Variants in ULK4 observed in about 807,000 individuals in gnomAD.
ULK4 encodes inactive serine/threonine-protein kinase ULK4.
In ULK4, 133 loss-of-function variants were observed where a neutral mutation model predicts 160.6. The observed-to-expected ratio is 0.83, with a 90% CI of 0.72 to 0.96. The LOEUF is 0.96. ULK4 is among the 40% of genes least tolerant of loss of function. ULK4 has a pLI of 0.00. For synonymous variants in ULK4, 534 were observed against 539.8 expected, an observed-to-expected ratio of 0.99 and a Z score of 0.15; for missense variants, 1,580 against 1,499.5, an observed-to-expected ratio of 1.05 and a Z score of -0.89.
At chr3:41,350,428 C>A (rs982332073) in intron 35 of ULK4, among the ~76,000 whole-genome samples, 1 of 152,076 alleles carries the variant, frequency 6.6e-6, no homozygotes, top group African/African-American at 2.4e-5. Flanking sequence ...AATTATATAT[C>A]TTTTGCTATC....
intron 27 of ULK4, among the ~76,000 whole-genome samples, chr3:41,699,476 T>C (rs1405392461): frequency 6.6e-6 from 1 of 152,222 alleles, no homozygotes; most frequent in Non-Finnish European, 1.5e-5. Flanking sequence ...CCCTTTGCTA[T>C]TAATAATATT....
chr3:41,794,686 A>AAAAAAAAAAAAAAAAAAAAAAAAAAAC (rs1553654814), intron 20 of ULK4, among the ~76,000 whole-genome samples: 3 of 112,426 alleles, frequency 2.7e-5, no homozygotes, highest in African/African-American at 1.2e-4. Context: ...AAAAAAAAAA[A>AAAAAAAAAAAAAAAAAAAAAAAAAAAC]CACAGAAAAA....
chr3:41,400,149 T>C (rs1031250452), intron 34 of ULK4, among the ~76,000 whole-genome samples: 3 of 152,192 alleles, frequency 2.0e-5, no homozygotes, highest in Non-Finnish European at 4.4e-5. Context: ...TCTTGTATAA[T>C]AACTATGGTA....
intron 30 of ULK4, among the ~76,000 whole-genome samples, chr3:41,642,785 A>T (rs1013873555): frequency 6.6e-5 from 10 of 152,202 alleles, no homozygotes; most frequent in Admixed American, 5.9e-4. Context: ...ACAATGGTTG[A>T]ACTGGTTTAC....
chr3:41,842,936 T>C (rs926327783), intron 17 of ULK4, among the ~76,000 whole-genome samples: 1 of 152,140 alleles, frequency 6.6e-6, no homozygotes, highest in African/African-American at 2.4e-5. Flanking sequence ...AAGTCAACTT[T>C]TTCAATAAAT....
intron 34 of ULK4, among the ~76,000 whole-genome samples, chr3:41,454,465 G>C (rs2083494499): frequency 3.3e-5 from 5 of 149,536 alleles, no homozygotes; most frequent in Admixed American, 6.7e-5. Context: ...GCTTGAACCT[G>C]GTAGGCGGAT....
chr3:41,751,694 T>C (rs1448068725), intron 22 of ULK4, among the ~76,000 whole-genome samples: 2 of 152,184 alleles, frequency 1.3e-5, no homozygotes, highest in Non-Finnish European at 2.9e-5. Flanking sequence ...TTTAGTTCCT[T>C]CCAGTTAAAG....
chr3:41,702,942 C>A (rs2125824475), intron 27 of ULK4, among the ~76,000 whole-genome samples: 2 of 151,650 alleles, frequency 1.3e-5, no homozygotes, highest in Admixed American at 1.3e-4. Flanking sequence ...CAACCTCCGC[C>A]TCCCAGGTTC....
At chr3:41,576,578 G>A (rs575931043) in intron 31 of ULK4, among the ~76,000 whole-genome samples, 30 of 152,304 alleles carry the variant, frequency 2.0e-4, no homozygotes, top group African/African-American at 7.0e-4. Context: ...ACTAGTCAGT[G>A]ACTAGAAACT....
chr3:41,667,971 T>A (rs1393175183), intron 29 of ULK4, among the ~76,000 whole-genome samples: 2 of 152,224 alleles, frequency 1.3e-5, no homozygotes, highest in Non-Finnish European at 2.9e-5. Context: ...CAGTGCCCAA[T>A]TAGGTTATCT....
At chr3:41,949,529 T>C (rs1431994836) in intron 2 of ULK4, among the ~76,000 whole-genome samples, 1 of 149,742 alleles carries the variant, frequency 6.7e-6, no homozygotes, top group Non-Finnish European at 1.5e-5. Flanking sequence ...GCCTTCCAGG[T>C]TCATGCGATT....
intron 35 of ULK4, among the ~76,000 whole-genome samples, chr3:41,336,811 G>T (rs2080568279): frequency 6.6e-6 from 1 of 152,122 alleles, no homozygotes; most frequent in Admixed American, 6.5e-5. Context: ...TGTATCTGGA[G>T]CATATGGGAT....
At chr3:41,947,714 A>C (rs1228307096) in intron 2 of ULK4, among the ~76,000 whole-genome samples, 8 of 152,228 alleles carry the variant, frequency 5.3e-5, no homozygotes, top group Admixed American at 5.2e-4. Context: ...TATGGGACAC[A>C]GGAGTTTCCA....
intron 34 of ULK4, among the ~76,000 whole-genome samples, chr3:41,443,955 G>A (rs1156909606): frequency 6.6e-6 from 1 of 151,784 alleles, no homozygotes; most frequent in African/African-American, 2.4e-5. Flanking sequence ...TTCCAATTGA[G>A]CAACATATAG....
intron 21 of ULK4, among the ~76,000 whole-genome samples, chr3:41,755,452 A>G (rs1024101584): frequency 3.3e-5 from 5 of 152,108 alleles, no homozygotes; most frequent in African/African-American, 1.2e-4. Context: ...TCAAAGCCAA[A>G]TTATTTATCT....
chr3:41,889,424 G>A (rs1697836479), intron 16 of ULK4, among the ~76,000 whole-genome samples: 1 of 152,096 alleles, frequency 6.6e-6, no homozygotes, highest in South Asian at 2.1e-4. Flanking sequence ...AATAAAATGA[G>A]TGGGGATAAA....
intron 30 of ULK4, among the ~76,000 whole-genome samples, chr3:41,643,252 A>T (rs1173581529): frequency 6.6e-6 from 1 of 152,108 alleles, no homozygotes; most frequent in Non-Finnish European, 1.5e-5. Flanking sequence ...TGTTTTAGAC[A>T]TGAAGTCCTT....
intron 32 of ULK4, among the ~76,000 whole-genome samples, chr3:41,484,381 C>T (rs1317858123): frequency 6.6e-6 from 1 of 151,964 alleles, no homozygotes; most frequent in African/African-American, 2.4e-5. Context: ...GAGAAAACCC[C>T]CTGGACTGGG....
intron 30 of ULK4, among the ~76,000 whole-genome samples, chr3:41,647,611 G>T (rs1213587647): frequency 6.6e-6 from 1 of 152,202 alleles, no homozygotes; most frequent in Non-Finnish European, 1.5e-5. Context: ...CTACTCGGGG[G>T]TGCCTCCCAG....
Sources: allele counts gnomAD v4.1 joint callset (sites outside exome capture counted in the v4.1 genomes callset), GRCh38; gene constraint gnomAD v4.1.1; transcripts MANE v1.5; gene names NCBI Gene and HGNC (gene_info 2026-07-23, HGNC 2026-07-21).